Variants in CPAP observed in about 807,000 individuals in gnomAD.
CPAP encodes centrosome assembly and centriole elongation protein.
the CPAP span, among the ~76,000 whole-genome samples, chr13:24,925,487 G>C: frequency 2.0e-5 from 3 of 152,326 alleles, no homozygotes; most frequent in South Asian, 6.2e-4. Flanking sequence ...GTGTGCACCT[G>C]TAGCCCTACA....
chr13:24,906,885 AT>A, the CPAP span: 2 of 1,614,090 alleles, frequency 1.2e-6, no homozygotes, highest in African/African-American at 2.7e-5. Context: ...GCATTAGTAA[AT>A]CTAGCTAAAC....
At chr13:24,883,387 A>AAT in the CPAP span, 1 of 1,558,974 alleles carries the variant, frequency 6.4e-7, no homozygotes, top group Non-Finnish European at 8.7e-7. Context: ...ATTTAAAAAA[A>AAT]ATATGATTTC....
the CPAP span, among the ~76,000 whole-genome samples, chr13:24,911,550 G>A: frequency 6.6e-6 from 1 of 151,844 alleles, no homozygotes; most frequent in African/African-American, 2.4e-5. Flanking sequence ...GACCTTTTTT[G>A]GGGGGACAGG....
the CPAP span, among the ~76,000 whole-genome samples, chr13:24,926,141 T>C: frequency 1.9e-4 from 29 of 152,166 alleles, no homozygotes; most frequent in African/African-American, 7.0e-4. Context: ...TGAGGAATGC[T>C]GCAACAGATC....
the CPAP span, chr13:24,892,601 G>A: frequency 6.9e-7 from 1 of 1,453,544 alleles, no homozygotes; most frequent in Non-Finnish European, 9.7e-7. Context: ...AGATATTGAA[G>A]CTCCCCCTGG....
the CPAP span, among the ~76,000 whole-genome samples, chr13:24,925,526 C>T: frequency 1.3e-5 from 2 of 152,200 alleles, no homozygotes; most frequent in African/African-American, 2.4e-5. Flanking sequence ...AGGAGGATCA[C>T]TTCAGCCCAG....
At chr13:24,911,839 A>C in the CPAP span, 1 of 1,364,090 alleles carries the variant, frequency 7.3e-7, no homozygotes, top group Non-Finnish European at 1.0e-6. Context: ...GCCTTTAAAG[A>C]AACTGGAGTT....
chr13:24,910,163 C>A, the CPAP span: 1 of 1,280,330 alleles, frequency 7.8e-7, no homozygotes, highest in Non-Finnish European at 1.1e-6. Flanking sequence ...TGACCCCCAC[C>A]CCACAAAGAC....
At chr13:24,920,733 A>T in the CPAP span, among the ~76,000 whole-genome samples, 1 of 143,058 alleles carries the variant, frequency 7.0e-6, no homozygotes, top group East Asian at 2.1e-4. Flanking sequence ...CGATTCACCC[A>T]CCTCAGCCTC....
chr13:24,903,810 CCTT>C, the CPAP span: 4,246 of 1,170,692 alleles, frequency 3.6e-3, 111 homozygotes, highest in African/African-American at 0.055. Flanking sequence ...GATTTCACCT[CCTT>C]TTCAATTATA....
the CPAP span, chr13:24,906,030 G>A: frequency 6.2e-7 from 1 of 1,614,124 alleles, no homozygotes; most frequent in Non-Finnish European, 8.5e-7. Context: ...TTACAAGGCT[G>A]TTCCCTCAAT....
the CPAP span, among the ~76,000 whole-genome samples, chr13:24,883,738 A>G: frequency 6.6e-6 from 1 of 152,214 alleles, no homozygotes; most frequent in African/African-American, 2.4e-5. Context: ...GGGAAGGGGC[A>G]TGATCAGACT....
chr13:24,898,798 G>C, the CPAP span, among the ~76,000 whole-genome samples: 28,219 of 152,166 alleles, frequency 0.19, 2,839 homozygotes, highest in South Asian at 0.32. Flanking sequence ...TTTTATACTA[G>C]AAGCAATGGA....
chr13:24,921,214 G>C, the CPAP span, among the ~76,000 whole-genome samples: 2 of 152,196 alleles, frequency 1.3e-5, no homozygotes, highest in Non-Finnish European at 2.9e-5. Flanking sequence ...GTAACTTGCT[G>C]CAATTGTAGG....
chr13:24,906,443 G>A, the CPAP span: 11 of 1,614,046 alleles, frequency 6.8e-6, no homozygotes, highest in South Asian at 3.3e-5. Flanking sequence ...CCGGCTGGCC[G>A]GCCCTGTTGA....
chr13:24,884,508 G>A, the CPAP span: 29 of 1,598,362 alleles, frequency 1.8e-5, no homozygotes, highest in Admixed American at 3.3e-5. Flanking sequence ...TTCTCCTGAC[G>A]AAAGTATGGC....
chr13:24,883,933 G>C, the CPAP span: 1 of 1,613,702 alleles, frequency 6.2e-7, no homozygotes, highest in Non-Finnish European at 8.5e-7. Flanking sequence ...CACACTGAGT[G>C]GTTTTTCTGT....
the CPAP span, chr13:24,885,560 G>A: frequency 7.1e-7 from 1 of 1,409,628 alleles, no homozygotes; most frequent in Non-Finnish European, 1.0e-6. Context: ...TTGATTTCAA[G>A]CCTAAGTAAT....
the CPAP span, among the ~76,000 whole-genome samples, chr13:24,898,504 G>A: frequency 2.6e-5 from 4 of 152,058 alleles, no homozygotes; most frequent in African/African-American, 9.7e-5. Flanking sequence ...TGTAACTTTT[G>A]AATGATAATA....
Sources: gnomAD v4.1 joint callset for allele counts (sites outside exome capture counted in the v4.1 genomes callset) on GRCh38, gnomAD v4.1.1 for gene constraint, MANE v1.5 for transcripts, NCBI Gene and HGNC (gene_info 2026-07-23, HGNC 2026-07-21) for gene names.